ACTA2: variants seen among roughly 807,000 people sequenced by gnomAD.
ACTA2 encodes the protein actin alpha 2, smooth muscle.
A neutral mutation model predicts 39.5 loss-of-function variants in ACTA2; 12 were observed. The observed-to-expected ratio is 0.30, with a 90% CI of 0.19 to 0.49. The LOEUF is 0.49. Among genes scored for constraint, ACTA2 ranks in the 20% least tolerant of loss-of-function variants. ACTA2 has a pLI of 0.99. For missense variants in ACTA2, 236 were observed against 498.8 expected (o/e 0.47, Z 5.02); for synonymous variants, 158 against 180.6 (o/e 0.88, Z 1.00).
chr10:88,957,577 G>A (rs1423335679), upstream of ACTA2, among the ~76,000 whole-genome samples: 1 of 152,084 alleles, frequency 6.6e-6, no homozygotes, highest in African/African-American at 2.4e-5. Context: ...ATGGAACAAT[G>A]GACTTTCCCA....
At chr10:88,962,805 A>G (rs1438118446) in intron 1 of ACTA2, among the ~76,000 whole-genome samples, 1 of 151,192 alleles carries the variant, frequency 6.6e-6, no homozygotes, top group African/African-American at 2.4e-5. Context: ...ATGGACTCAC[A>G]GTTCCACATG....
At chr10:88,970,693 G>A (rs1189563098) in intron 1 of ACTA2, among the ~76,000 whole-genome samples, 2 of 152,120 alleles carry the variant, frequency 1.3e-5, no homozygotes, top group African/African-American at 4.8e-5. Context: ...CACAGGAAGA[G>A]GAACATCACA....
chr10:88,984,237 T>C (rs1031379682), intron 1 of ACTA2, among the ~76,000 whole-genome samples: 1 of 152,178 alleles, frequency 6.6e-6, no homozygotes, highest in African/African-American at 2.4e-5. Flanking sequence ...CCTTGAGAAA[T>C]AGTAGGAGCC....
At chr10:88,991,199 C>A (rs1047934457) in exon 1 of ACTA2, 1 of 560,960 alleles carries the variant, frequency 1.8e-6, no homozygotes, top group East Asian at 3.0e-5. Context: ...GAGACCACTG[C>A]GCTCCACGTT....
At chr10:88,945,001 T>C (rs574983722) in intron 3 of ACTA2, among the ~76,000 whole-genome samples, 9 of 152,310 alleles carry the variant, frequency 5.9e-5, no homozygotes, top group Admixed American at 4.6e-4. Context: ...TTGTGGTTTA[T>C]AGAAGGGAAA....
intron 1 of ACTA2, among the ~76,000 whole-genome samples, chr10:88,972,978 T>G (rs1353934217): frequency 6.6e-6 from 1 of 152,236 alleles, no homozygotes; most frequent in Non-Finnish European, 1.5e-5. Context: ...AGGGCCAATC[T>G]ATTGAAAAGA....
chr10:88,986,050 C>A (rs1264071184), intron 1 of ACTA2, among the ~76,000 whole-genome samples: 1 of 152,018 alleles, frequency 6.6e-6, no homozygotes, highest in East Asian at 1.9e-4. Context: ...AACAAAATGA[C>A]TTAGGGAACA....
chr10:88,941,913 T>G (rs777091909), intron 4 of ACTA2, 44 bp from the exon 5 acceptor site: 48 of 1,550,454 alleles, frequency 3.1e-5, no homozygotes, highest in Non-Finnish European at 4.1e-5. Flanking sequence ...GGTGCCCATC[T>G]GACAAAGAAT....
At chr10:88,968,305 A>T (rs1343964861) in intron 1 of ACTA2, among the ~76,000 whole-genome samples, 1 of 152,186 alleles carries the variant, frequency 6.6e-6, no homozygotes, top group Non-Finnish European at 1.5e-5. Flanking sequence ...CTTATTTTGT[A>T]GCCAGCATAT....
intron 3 of ACTA2, among the ~76,000 whole-genome samples, chr10:88,945,639 C>T (rs191661629): frequency 6.6e-6 from 1 of 152,220 alleles, no homozygotes; most frequent in East Asian, 1.9e-4. Context: ...GATAAGGCCT[C>T]ATGTAATGCA....
intron 1 of ACTA2, among the ~76,000 whole-genome samples, chr10:88,984,675 T>G (rs529361733): frequency 6.6e-6 from 1 of 151,662 alleles, no homozygotes; most frequent in South Asian, 2.1e-4. Flanking sequence ...TCTTGACTTC[T>G]TATGTTTAGT....
intron 6 of ACTA2, chr10:88,940,636 T>A (rs115804700): frequency 5.9e-6 from 1 of 170,392 alleles, no homozygotes; most frequent in African/African-American, 2.4e-5. Context: ...AAGGGAGGAC[T>A]GGGTGCACCG....
At chr10:88,949,855 T>C (rs1846018838) in intron 1 of ACTA2, among the ~76,000 whole-genome samples, 2 of 152,198 alleles carry the variant, frequency 1.3e-5, no homozygotes, top group African/African-American at 2.4e-5. Flanking sequence ...GTGGGTTTTA[T>C]AGGTGTTTTT....
At chr10:88,955,967 T>C (rs1036908741), upstream of ACTA2, among the ~76,000 whole-genome samples, 5 of 152,202 alleles carry the variant, frequency 3.3e-5, no homozygotes, top group African/African-American at 1.2e-4. Flanking sequence ...CAATGAGATA[T>C]GAGGCGTTAA....
At position 88,990,486 on chromosome 10, in the gene ACTA2, G is replaced by C. The variant is rs1203247594; in HGVS notation, c.-24+453C>G. 1.8e-6 allele frequency: 1 copy of C among 559,214 alleles called. No homozygotes were observed. The highest frequency in any genetic ancestry group is 1.6e-5 in the South Asian group (1 of 63,788). 34.6% of individuals were successfully genotyped at this position (559,214 alleles called of 1,614,324 possible). On this transcript the variant is annotated intron_variant, in intron 1 of 4. Coordinates refer to the ACTA2 transcript ENST00000415557. The surrounding 1 kb of genome is among the most constrained non-coding windows in gnomAD (Gnocchi z 4.9). ...CGCCCCGGGACAGGAATGCCCATTT[G>C]TGCAACGAACCCTGACTCCTTCCTC...
intron 1 of ACTA2, among the ~76,000 whole-genome samples, chr10:88,971,175 A>G (rs1846438232): frequency 6.6e-6 from 1 of 152,242 alleles, no homozygotes; most frequent in Non-Finnish European, 1.5e-5. Flanking sequence ...TGGAAAAGGC[A>G]GATATTTTTC....
chr10:88,967,181 C>A (rs1321793860), intron 1 of ACTA2, among the ~76,000 whole-genome samples: 3 of 152,110 alleles, frequency 2.0e-5, no homozygotes, highest in Non-Finnish European at 4.4e-5. Context: ...AAAATTGAGA[C>A]CCTATAGGGT....
At chr10:88,955,023 A>G (rs1418260548), upstream of ACTA2, among the ~76,000 whole-genome samples, 1 of 151,432 alleles carries the variant, frequency 6.6e-6, no homozygotes, top group East Asian at 1.9e-4. Flanking sequence ...ACACAAAAAA[A>G]AAAAAAAAAA....
chr10:88,990,736 A>C lies in ACTA2; in HGVS notation c.-24+203T>G, dbSNP rs773950456. On this transcript the variant is annotated intron_variant, in intron 1 of 4. Transcript: ENST00000415557. This position sits in a 1 kb window ranked among gnomAD's most constrained non-coding sequence, Gnocchi z 4.9. The stretch of plus-strand genomic sequence containing the variant: ...TTACGAGTGACTTGGCTGGAGCCTC[A>C]GGGGCGGGCACTGGCACGGAACACA... 1.0e-6 allele frequency: 1 copy of C among 980,934 alleles called. No homozygotes were observed. Among genetic ancestry groups the C allele is most frequent in the Non-Finnish European group, 1.6e-6 (1 of 622,792 alleles). The allele number at this position is 980,934 out of a possible 1,614,324, so 60.8% of individuals were successfully genotyped here.
Sources: gnomAD v4.1 joint callset for allele counts (sites outside exome capture counted in the v4.1 genomes callset) on GRCh38, gnomAD v4.1.1 for gene constraint, Gnocchi (gnomAD v3.1) non-coding constraint, MANE v1.5 for transcripts, NCBI Gene and HGNC (gene_info 2026-07-23, HGNC 2026-07-21) for gene names.